Variants in TMEM9 observed in about 807,000 individuals in gnomAD.
TMEM9 encodes the protein transmembrane protein 9.
In TMEM9, 13 loss-of-function variants were observed where a neutral mutation model predicts 22.8. The observed-to-expected ratio is 0.57, with a 90% confidence interval of 0.37 to 0.91. The LOEUF is 0.91. TMEM9 is among the 40% of genes least tolerant of loss of function. TMEM9 has a pLI of 0.01. For synonymous variants in TMEM9, 88 were observed against 93.0 expected (o/e 0.95, Z 0.31); for missense variants, 182 against 238.1 (o/e 0.76, Z 1.55).
At chr1:201,154,688 G>T (rs1422061584), upstream of TMEM9, among the ~76,000 whole-genome samples, 1 of 152,164 alleles carries the variant, frequency 6.6e-6, no homozygotes, top group Non-Finnish European at 1.5e-5. Context: ...TGTGGCCTGA[G>T]AACTCCCACT....
chr1:201,140,306 G>T (rs997688762), intron 4 of TMEM9, among the ~76,000 whole-genome samples: 3 of 152,226 alleles, frequency 2.0e-5, no homozygotes, highest in African/African-American at 7.2e-5. Flanking sequence ...GAAACCATGT[G>T]TCTCTCTTCA....
Position 201,167,349 on chromosome 1 carries a change from C to T in TMEM9, c.-37+4141G>A, listed in dbSNP as rs1666102988. Among the ~76,000 whole-genome samples the T allele has an allele frequency of 2.6e-5, 4 of 152,134 alleles. No individual in the cohort carries two copies. The South Asian group carries it at 6.2e-4, about 24-fold the overall frequency. ...GCAGGGGGCTAGGGCATGGGGAATG[C>T]TGATTGGTTGGGTCGGAGATAAAAT... On this transcript the variant is annotated intron_variant, in intron 1 of 5. Transcript: ENST00000367333.
intron 1 of TMEM9, among the ~76,000 whole-genome samples, chr1:201,166,249 A>G (rs1666074958): frequency 2.0e-5 from 3 of 151,038 alleles, no homozygotes; most frequent in South Asian, 4.2e-4. Flanking sequence ...TATTCCTTTT[A>G]CCACCCACAC....
chr1:201,163,149 T>C (rs1017882192), intron 1 of TMEM9, among the ~76,000 whole-genome samples: 5 of 151,646 alleles, frequency 3.3e-5, no homozygotes, highest in Non-Finnish European at 7.4e-5. Context: ...TAGCTGGGTG[T>C]GATGGTGCAC....
intron 4 of TMEM9, 116 bp downstream of exon 4, chr1:201,143,704 A>G (rs1286303742): frequency 2.0e-6 from 2 of 1,021,260 alleles, no homozygotes; most frequent in African/African-American, 1.6e-5. Context: ...TGACCAGAAG[A>G]GCAACTTGAA....
At chr1:201,142,951 C>T (rs188566392) in intron 4 of TMEM9, among the ~76,000 whole-genome samples, 11 of 152,366 alleles carry the variant, frequency 7.2e-5, no homozygotes, top group East Asian at 1.9e-4. Flanking sequence ...AGGTACACCA[C>T]GTCTCACTCC....
chr1:201,142,743 A>C (rs1480476918), intron 4 of TMEM9, among the ~76,000 whole-genome samples: 1 of 152,218 alleles, frequency 6.6e-6, no homozygotes, highest in East Asian at 1.9e-4. Flanking sequence ...CTCAGAGTGG[A>C]AGCAGCAGCC....
chr1:201,150,866 G>A (rs867682445), intron 2 of TMEM9, among the ~76,000 whole-genome samples: 2 of 152,088 alleles, frequency 1.3e-5, no homozygotes, highest in Non-Finnish European at 2.9e-5. Flanking sequence ...GCACTGACCC[G>A]GACCTCTCAT....
intron 1 of TMEM9, among the ~76,000 whole-genome samples, chr1:201,162,485 G>T (rs1456522371): frequency 1.3e-5 from 2 of 148,782 alleles, no homozygotes; most frequent in African/African-American, 5.0e-5. Flanking sequence ...TGAAGCGGAG[G>T]AAAGATAGCC....
chr1:201,147,985 C>T (rs1665120769), intron 2 of TMEM9, among the ~76,000 whole-genome samples: 1 of 152,228 alleles, frequency 6.6e-6, no homozygotes, highest in African/African-American at 2.4e-5. Context: ...TTTATTCGTG[C>T]TGTCTCCCCA....
upstream of TMEM9, among the ~76,000 whole-genome samples, chr1:201,156,259 CA>C (rs1665790876): frequency 1.3e-5 from 2 of 152,180 alleles, no homozygotes; most frequent in Non-Finnish European, 2.9e-5. Flanking sequence ...CTCATATTTC[CA>C]CATCTTGTCT....
At chr1:201,171,388 G>A (rs79721915) in intron 1 of TMEM9, 17,293 of 152,364 alleles carry the variant, frequency 0.11, 1,316 homozygotes, top group Middle Eastern at 0.17. Flanking sequence ...CCCAGGGAGG[G>A]GCAGGAGGCT....
chr1:201,143,317 T>A (rs1664684746), intron 4 of TMEM9, among the ~76,000 whole-genome samples: 3 of 152,218 alleles, frequency 2.0e-5, no homozygotes, highest in Admixed American at 2.0e-4. Flanking sequence ...TACTTGGCAA[T>A]GTCCCCTGCC....
intron 4 of TMEM9, among the ~76,000 whole-genome samples, chr1:201,142,992 T>C (rs1664659516): frequency 6.6e-6 from 1 of 152,082 alleles, no homozygotes; most frequent in East Asian, 1.9e-4. Context: ...AGCCCTCCTG[T>C]CCCCCCGGGT....
chr1:201,143,062 C>T (rs1026672153), intron 4 of TMEM9, among the ~76,000 whole-genome samples: 21 of 152,220 alleles, frequency 1.4e-4, no homozygotes, highest in African/African-American at 2.4e-4. Flanking sequence ...ACGGTGACAG[C>T]GCTTGTTAAC....
intron 4 of TMEM9, among the ~76,000 whole-genome samples, chr1:201,139,168 G>A (rs1664280240): frequency 6.6e-6 from 1 of 152,342 alleles, no homozygotes; most frequent in Admixed American, 6.5e-5. Context: ...AAAGCCTGAT[G>A]ACAAGGAGAC....
At chr1:201,153,453 C>T (rs1289205735) in intron 1 of TMEM9, among the ~76,000 whole-genome samples, 1 of 152,170 alleles carries the variant, frequency 6.6e-6, no homozygotes, top group East Asian at 1.9e-4. Flanking sequence ...CATAAACGAA[C>T]TTCAGGTTTA....
intron 1 of TMEM9, 182 bp downstream of exon 1, chr1:201,153,676 C>T: frequency 7.0e-7 from 1 of 1,431,730 alleles, no homozygotes; most frequent in Non-Finnish European, 9.6e-7. Flanking sequence ...CACTCCTCAC[C>T]CGCACTATCC....
chr1:201,156,127 C>A (rs901355695), upstream of TMEM9, among the ~76,000 whole-genome samples: 4 of 152,196 alleles, frequency 2.6e-5, no homozygotes, highest in African/African-American at 7.2e-5. Context: ...TGACACACAA[C>A]ACTAAAGATA....
Sources: gnomAD v4.1 joint callset for allele counts (sites outside exome capture counted in the v4.1 genomes callset) on GRCh38, gnomAD v4.1.1 for gene constraint, MANE v1.5 for transcripts, NCBI Gene and HGNC (gene_info 2026-07-23, HGNC 2026-07-21) for gene names.